The following CCDC7 variants were observed in gnomAD, a reference collection of about 807,000 sequenced individuals.
CCDC7 encodes coiled-coil domain-containing protein 7.
CCDC7 carries 183 observed loss-of-function variants against 196.9 expected under a neutral mutation model. The observed-to-expected ratio is 0.93, with a 90% CI of 0.82 to 1.05. The LOEUF is 1.05. CCDC7 is among the 50% of genes least tolerant of loss of function. The pLI is 0.00. For synonymous variants in CCDC7, 525 were observed against 484.6 expected (o/e 1.08, Z -1.10); for missense variants, 1,540 against 1,482.2 (o/e 1.04, Z -0.64).
At chr10:32,694,753 C>G (rs1265635386) in intron 23 of CCDC7, 126 bp from the exon 25 acceptor site, 4 of 526,046 alleles carry the variant, frequency 7.6e-6, no homozygotes, top group East Asian at 6.2e-5. Context: ...ATCTGGATTT[C>G]TGATAATTTA....
At chr10:32,827,311 C>G (rs867215008) in intron 32 of CCDC7, among the ~76,000 whole-genome samples, 5 of 152,170 alleles carry the variant, frequency 3.3e-5, no homozygotes, top group Admixed American at 3.3e-4. Flanking sequence ...ACTGAGCCCT[C>G]TATATGGCAC....
intron 31 of CCDC7, among the ~76,000 whole-genome samples, chr10:32,819,253 A>G (rs1407890926): frequency 6.6e-6 from 1 of 152,198 alleles, no homozygotes; most frequent in East Asian, 1.9e-4. Flanking sequence ...CACCCTCCCA[A>G]GACCAAACCA....
intron 29 of CCDC7, among the ~76,000 whole-genome samples, chr10:32,797,271 G>GTA (rs912323014): frequency 5.5e-4 from 83 of 149,744 alleles, no homozygotes; most frequent in African/African-American, 1.8e-3. Context: ...ATATATATGC[G>GTA]TATATATATA....
At chr10:32,551,515 T>G (rs2053474219) in intron 13 of CCDC7, among the ~76,000 whole-genome samples, 1 of 152,124 alleles carries the variant, frequency 6.6e-6, no homozygotes, top group Non-Finnish European at 1.5e-5. Flanking sequence ...TTTTTCAGTG[T>G]TTTTGAGGTA....
At chr10:32,701,882 A>G (rs924560288) in intron 24 of CCDC7, among the ~76,000 whole-genome samples, 4 of 151,776 alleles carry the variant, frequency 2.6e-5, no homozygotes, top group African/African-American at 9.7e-5. Context: ...ATCATTTTTT[A>G]TTGCGTCAAT....
At chr10:32,824,092 A>G (rs369412448) in intron 31 of CCDC7, among the ~76,000 whole-genome samples, 1 of 152,238 alleles carries the variant, frequency 6.6e-6, no homozygotes, top group African/African-American at 2.4e-5. Flanking sequence ...TATGAAAAAA[A>G]ATTGATGTTC....
chr10:32,448,973 A>C (rs186662854), upstream of CCDC7, among the ~76,000 whole-genome samples: 1 of 151,928 alleles, frequency 6.6e-6, no homozygotes, highest in African/African-American at 2.4e-5. Context: ...TATTCTTTGC[A>C]TCAGTTTTTA....
chr10:32,480,715 T>C (rs957481527), intron 8 of CCDC7, among the ~76,000 whole-genome samples: 1 of 152,198 alleles, frequency 6.6e-6, no homozygotes, highest in Non-Finnish European at 1.5e-5. Flanking sequence ...GATTGGGAAA[T>C]ACTTGATATG....
At chr10:32,596,413 T>C (rs977294414) in intron 18 of CCDC7, among the ~76,000 whole-genome samples, 29 of 152,304 alleles carry the variant, frequency 1.9e-4, no homozygotes, top group African/African-American at 6.7e-4. Flanking sequence ...CCCTTTTTTT[T>C]GAGCCTATGT....
chr10:32,726,918 T>C, intron 26 of CCDC7, 86 bp downstream of exon 27: 2 of 805,562 alleles, frequency 2.5e-6, no homozygotes, highest in Non-Finnish European at 1.9e-6. Context: ...TGAATGTGTA[T>C]TTTAGCATGT....
intron 18 of CCDC7, among the ~76,000 whole-genome samples, chr10:32,609,879 A>G (rs998081256): frequency 1.3e-5 from 2 of 152,124 alleles, no homozygotes; most frequent in African/African-American, 4.8e-5. Context: ...AAGTTTTCTG[A>G]GGCAGTTGAC....
intron 8 of CCDC7, among the ~76,000 whole-genome samples, chr10:32,485,408 G>T (rs945153457): frequency 1.3e-5 from 2 of 152,108 alleles, no homozygotes; most frequent in Admixed American, 6.6e-5. Flanking sequence ...AGTCTTGCTA[G>T]TGGTCTATCA....
intron 18 of CCDC7, among the ~76,000 whole-genome samples, chr10:32,593,059 T>A (rs1188801406): frequency 6.6e-6 from 1 of 152,222 alleles, no homozygotes; most frequent in African/African-American, 2.4e-5. Context: ...TTTGGGTATA[T>A]ACCCAGTAAT....
chr10:32,620,226 A>G (rs1030960155), intron 18 of CCDC7, among the ~76,000 whole-genome samples: 36 of 151,950 alleles, frequency 2.4e-4, no homozygotes, highest in Admixed American at 6.6e-5. Flanking sequence ...CCCAGCCCCA[A>G]TGTGTCTTTT....
intron 22 of CCDC7, 73 bp from the exon 24 acceptor site, chr10:32,688,980 G>A (rs922912141): frequency 2.0e-5 from 20 of 980,478 alleles, no homozygotes; most frequent in African/African-American, 2.0e-4. Flanking sequence ...CTGCACATTC[G>A]TAAATTTGAA....
At chr10:32,730,856 T>C (rs1159502646) in intron 28 of CCDC7, among the ~76,000 whole-genome samples, 1 of 151,982 alleles carries the variant, frequency 6.6e-6, no homozygotes, top group African/African-American at 2.4e-5. Context: ...ATAGTAAATA[T>C]GGAAATAATA....
intron 24 of CCDC7, among the ~76,000 whole-genome samples, chr10:32,697,506 C>A (rs539314207): frequency 1.4e-4 from 22 of 152,326 alleles, no homozygotes; most frequent in African/African-American, 5.1e-4. Context: ...TAGCAAAAGG[C>A]GCACCAGGAG....
At position 32,829,117 on chromosome 10, in the gene CCDC7, G is replaced by A. The variant is rs867411254; in HGVS notation, c.3268+4513G>A. Among the ~76,000 whole-genome samples the A allele has an allele frequency of 5.4e-4, 82 of 152,282 alleles. No homozygotes were observed. The Middle Eastern group carries it at 0.01, about 19-fold the overall frequency. On this transcript the variant is annotated intron_variant, in intron 32 of 41. Transcript: ENST00000639629. ...CCACAGTGGAGATCAGGAAGAGTAT[G>A]CATGGAATACAGGAGATTCATTAGG...
At chr10:32,644,564 T>C (rs2067419250) in intron 20 of CCDC7, among the ~76,000 whole-genome samples, 1 of 152,218 alleles carries the variant, frequency 6.6e-6, no homozygotes, top group African/African-American at 2.4e-5. Context: ...GGTTTGGCTA[T>C]GTTCCCACCC....
Sources: gnomAD v4.1 joint callset for allele counts (sites outside exome capture counted in the v4.1 genomes callset) on GRCh38, gnomAD v4.1.1 for gene constraint, MANE v1.5 for transcripts, NCBI Gene and HGNC (gene_info 2026-07-23, HGNC 2026-07-21) for gene names.